RBBP9: variants seen among roughly 807,000 people sequenced by gnomAD.
The protein encoded by RBBP9 is serine hydrolase RBBP9.
RBBP9 carries 20 observed loss-of-function variants against 24.2 expected under a neutral mutation model. That is an observed-to-expected ratio of 0.83 (90% CI 0.58 to 1.20). The LOEUF is 1.20. Among genes scored for constraint, RBBP9 ranks in the 50% most tolerant of loss-of-function variants. The pLI is 0.00. For synonymous variants in RBBP9, 74 were observed against 84.6 expected, an observed-to-expected ratio of 0.87 and a Z score of 0.69; for missense variants, 234 against 233.6, an observed-to-expected ratio of 1.00 and a Z score of -0.01.
intron 4 of RBBP9, 59 bp downstream of exon 4, chr20:18,490,336 A>T (rs2424217): frequency 7.2e-7 from 1 of 1,382,976 alleles, no homozygotes; most frequent in Non-Finnish European, 1.0e-6. Context: ...TTTACAACCT[A>T]AACAGACAGC....
At position 18,495,726 on chromosome 20, in the gene RBBP9, G is replaced by A. The variant is rs1463218895; in HGVS notation, c.142+112C>T. 4 of 980,030 alleles carry A rather than the reference G, an allele frequency of 4.1e-6. No individual in the cohort carries two copies. The Admixed American group carries it at 6.1e-5, about 15-fold the overall frequency. The allele number at this position is 980,030 out of a possible 1,614,324, so 60.7% of individuals were successfully genotyped here. A position where few individuals can be genotyped will look rare whatever the true frequency, so the allele number is the denominator to read the frequency against. Reference sequence around the variant, plus strand: ...AGCTGCTTGCCTTATTCTTTCTTAGGTATATAGGCATCTTTGGTTCCTCCA... The same window carrying A: ...AGCTGCTTGCCTTATTCTTTCTTAGATATATAGGCATCTTTGGTTCCTCCA... On this transcript the variant is annotated intron_variant, in intron 2 of 4. Transcript: ENST00000337227.
At chr20:18,491,286 T>G (rs1381446046) in intron 3 of RBBP9, among the ~76,000 whole-genome samples, 1 of 152,224 alleles carries the variant, frequency 6.6e-6, no homozygotes, top group Non-Finnish European at 1.5e-5. Flanking sequence ...TGCCTTATAT[T>G]ATTCATTTGT....
rs769290287 is a variant in RBBP9 at position 18,497,063 on chromosome 20, G to A, written c.99+6C>T. ...ACTTCACGGAGCAGCGGCGTTGGGC[G>A]CTTACCTTCTCCAGCTCCTTTTTCA... is the stretch of plus-strand genomic sequence containing the variant. On this transcript the variant is annotated splice_donor_region_variant and intron_variant, in intron 1 of 4. Transcript: ENST00000337227. 3.7e-6 allele frequency: 6 copies of A among 1,612,818 alleles called. No homozygotes were observed. Among genetic ancestry groups the A allele is most frequent in the Non-Finnish European group, 5.1e-6 (6 of 1,178,862 alleles).
chr20:18,491,875 T>C (rs1341251440), intron 3 of RBBP9, among the ~76,000 whole-genome samples: 1 of 151,982 alleles, frequency 6.6e-6, no homozygotes, highest in Non-Finnish European at 1.5e-5. Context: ...GGCAGGCAGA[T>C]CACCTGAGGT....
chr20:18,495,452 G>GAAGGCC (rs1173780613), intron 2 of RBBP9, among the ~76,000 whole-genome samples: 3 of 151,280 alleles, frequency 2.0e-5, no homozygotes, highest in Non-Finnish European at 4.4e-5. Context: ...AAACACTGCG[G>GAAGGCC]AAGGCCGCAG....
At chr20:18,490,749 G>A (rs1158804252) in intron 3 of RBBP9, among the ~76,000 whole-genome samples, 2 of 149,450 alleles carry the variant, frequency 1.3e-5, no homozygotes, top group African/African-American at 4.9e-5. Context: ...GCACAATCTT[G>A]GCTCACTGCA....
intron 3 of RBBP9, 52 bp from the exon 4 acceptor site, chr20:18,490,532 CAA>C: frequency 7.4e-7 from 1 of 1,353,556 alleles, no homozygotes; most frequent in Non-Finnish European, 1.1e-6. Flanking sequence ...CTCTGATCAC[CAA>C]AAAGTCAATA....
At chr20:18,493,752 G>C (rs1400727752) in intron 3 of RBBP9, among the ~76,000 whole-genome samples, 2 of 152,144 alleles carry the variant, frequency 1.3e-5, no homozygotes, top group African/African-American at 2.4e-5. Flanking sequence ...TGCTTTAAAA[G>C]GATCACTGCA....
Position 18,490,441 on chromosome 20 carries a change from C to A in RBBP9, c.288G>T (p.Val96=). Residue 96 remains valine, a synonymous_variant, in exon 4 of 5, where the codon GTG becomes GTT. Coordinates refer to ENST00000337227, the MANE Select transcript of RBBP9 (RefSeq NM_006606.3). ...ETHRVYAIVL[V]SAYTSDLGDE... ...CCCCCAAGTCTGATGTGTACGCAGACACTAATACAATAGCATATACTCGAT... is the reference window on the plus strand; with the variant it reads ...CCCCCAAGTCTGATGTGTACGCAGAAACTAATACAATAGCATATACTCGAT... 1.2e-6 allele frequency: 2 copies of A among 1,613,808 alleles called. No individual in the cohort carries two copies. The highest frequency in any genetic ancestry group is 1.7e-6 in the Non-Finnish European group (2 of 1,179,784).
rs1410007435 is a variant in RBBP9, at chr20:18,497,101, A to T, written c.67T>A (p.Trp23Arg). The T allele has an allele frequency of 6.2e-7, 1 of 1,614,068 alleles. No individual in the cohort carries two copies. Among genetic ancestry groups the T allele is most frequent in the Non-Finnish European group, 8.5e-7 (1 of 1,180,020 alleles). Reference protein sequence around the residue: ...NGGGDVTTHGWYGWVKKELEK... With the variant: ...NGGGDVTTHGRYGWVKKELEK... The stretch of plus-strand genomic sequence containing the variant: ...AGCTCCTTTTTCACCCAGCCATACC[A>T]GCCGTGGGTGGTCACATCCCCGCCT... The change falls in exon 1 of 5, where the codon TGG becomes AGG. Residue 23 changes from tryptophan (W) to arginine (R), a missense_variant. By Grantham distance (101) the Trp-to-Arg change is moderately radical. Coordinates refer to ENST00000337227, the MANE Select transcript of RBBP9 (RefSeq NM_006606.3).
intron 3 of RBBP9, among the ~76,000 whole-genome samples, chr20:18,493,755 T>TCACTGCATCTC (rs1302758143): frequency 2.0e-5 from 3 of 152,218 alleles, no homozygotes; most frequent in African/African-American, 7.2e-5. Context: ...TTTAAAAGGA[T>TCACTGCATCTC]CACTGCATCT....
intron 2 of RBBP9, among the ~76,000 whole-genome samples, chr20:18,495,561 G>A (rs1487980308): frequency 7.6e-6 from 1 of 131,902 alleles, no homozygotes; most frequent in Non-Finnish European, 1.6e-5. Flanking sequence ...CCCCCTCTGC[G>A]AGAAACACCC....
chr20:18,495,124 T>C (rs1190671783), intron 2 of RBBP9, among the ~76,000 whole-genome samples: 1 of 149,218 alleles, frequency 6.7e-6, no homozygotes, highest in Non-Finnish European at 1.5e-5. Flanking sequence ...ATGATGACAA[T>C]GGCAGTTTTG....
rs1399837736 is a variant in RBBP9, at chr20:18,489,887, T to C, written c.438A>G (p.Gln146=). 6.2e-7 allele frequency: 1 copy of C among 1,613,990 alleles called. No individual in the cohort carries two copies. Among genetic ancestry groups the C allele is most frequent in the Admixed American group, 1.7e-5 (1 of 60,020 alleles). Residue 146 remains glutamine, a synonymous_variant, in exon 5 of 5, where the codon CAA becomes CAG. Coordinates refer to ENST00000337227, the MANE Select transcript of RBBP9 (RefSeq NM_006606.3). ...TDDPFLPWKE[Q]QEVADRLETK... ...TTTCCAACCTATCGGCCACTTCTTG[T>C]TGTTCCTTCCAGGGAAGGAACGGGT...
chr20:18,494,826 G>A (rs146923196), intron 2 of RBBP9, among the ~76,000 whole-genome samples: 33 of 152,296 alleles, frequency 2.2e-4, no homozygotes, highest in African/African-American at 7.9e-4. Flanking sequence ...ACCTCAAATA[G>A]ATGCTGTAAA....
intron 2 of RBBP9, among the ~76,000 whole-genome samples, chr20:18,494,504 C>A (rs1350485357): frequency 3.3e-5 from 5 of 151,698 alleles, no homozygotes; most frequent in South Asian, 2.1e-4. Flanking sequence ...ATGCTGAAAC[C>A]CCGTCTCTGC....
chr20:18,490,511 TATA>T (rs749585611), intron 3 of RBBP9, 31 bp from the exon 4 acceptor site: 2 of 1,515,588 alleles, frequency 1.3e-6, no homozygotes, highest in East Asian at 4.5e-5. Context: ...TCAGCTAATA[TATA>T]ATGTTACCTC....
chr20:18,496,261 C>G (rs1203648460), intron 1 of RBBP9, among the ~76,000 whole-genome samples: 1 of 152,196 alleles, frequency 6.6e-6, no homozygotes, highest in Non-Finnish European at 1.5e-5. Context: ...AGCATACTCT[C>G]AGAAGCTCCA....
At chr20:18,496,799 G>T (rs1166721140) in intron 1 of RBBP9, among the ~76,000 whole-genome samples, 1 of 152,160 alleles carries the variant, frequency 6.6e-6, no homozygotes, top group Non-Finnish European at 1.5e-5. Context: ...CAGATACGGG[G>T]GGCGGGGCTC....
Sources: gnomAD v4.1 joint callset for allele counts (sites outside exome capture counted in the v4.1 genomes callset) on GRCh38, gnomAD v4.1.1 for gene constraint, MANE v1.5 for transcripts, NCBI Gene and HGNC (gene_info 2026-07-23, HGNC 2026-07-21) for gene names.